Variants in SPIRE1 observed in about 807,000 individuals in gnomAD.
The protein encoded by SPIRE1 is spire type actin nucleation factor 1, also known as protein spire homolog 1.
Under a neutral mutation model 94.1 loss-of-function variants are expected in SPIRE1, and 40 were observed. That is an observed-to-expected ratio of 0.43 (90% confidence interval 0.33 to 0.55). The LOEUF is 0.55. Ranked by LOEUF, SPIRE1 falls within the 20% of genes least tolerant of loss-of-function variation. SPIRE1 has a pLI of 0.06. For missense variants in SPIRE1, 838 were observed against 975.2 expected, an observed-to-expected ratio of 0.86 and a Z score of 1.87; for synonymous variants, 376 against 371.7, an observed-to-expected ratio of 1.01 and a Z score of -0.13.
intron 2 of SPIRE1, among the ~76,000 whole-genome samples, chr18:12,593,747 C>T (rs1466993432): frequency 6.6e-6 from 1 of 151,980 alleles, no homozygotes; most frequent in African/African-American, 2.4e-5. Flanking sequence ...GTCAGGAGTT[C>T]AAGACCAGCC....
chr18:12,468,608 G>A (rs2032219031), intron 10 of SPIRE1, among the ~76,000 whole-genome samples: 1 of 152,166 alleles, frequency 6.6e-6, no homozygotes, highest in South Asian at 2.1e-4. Context: ...TTAATCGAGA[G>A]GCTTCACTAT....
At chr18:12,590,582 G>A (rs910751481) in intron 2 of SPIRE1, among the ~76,000 whole-genome samples, 2 of 152,050 alleles carry the variant, frequency 1.3e-5, no homozygotes, top group African/African-American at 4.8e-5. Context: ...ATTGAAAACA[G>A]AGTATAAAAG....
chr18:12,546,968 G>T, intron 2 of SPIRE1, 64 bp from the exon 3 acceptor site: 1 of 1,092,852 alleles, frequency 9.2e-7, no homozygotes, highest in Non-Finnish European at 1.3e-6. Flanking sequence ...CTAATTGTGA[G>T]GCATAAGATG....
At chr18:12,634,958 T>A (rs1221070501) in intron 2 of SPIRE1, 104 bp downstream of exon 2, 10 of 612,722 alleles carry the variant, frequency 1.6e-5, no homozygotes, top group Non-Finnish European at 2.8e-5. Flanking sequence ...AAAGAAATCT[T>A]ATCAGAAGAC....
intron 12 of SPIRE1, among the ~76,000 whole-genome samples, chr18:12,456,507 AAAT>A (rs1164395438): frequency 6.6e-6 from 1 of 152,188 alleles, no homozygotes; most frequent in Non-Finnish European, 1.5e-5. Flanking sequence ...TGCTGCAACA[AAAT>A]AATGTGGGAA....
intron 4 of SPIRE1, among the ~76,000 whole-genome samples, chr18:12,513,996 C>T (rs2034118870): frequency 6.6e-6 from 1 of 151,994 alleles, no homozygotes; most frequent in Non-Finnish European, 1.5e-5. Context: ...GGTGTGCACC[C>T]CTATGCCTGG....
At chr18:12,630,162 T>C (rs1001421529) in intron 2 of SPIRE1, among the ~76,000 whole-genome samples, 75 of 152,294 alleles carry the variant, frequency 4.9e-4, no homozygotes, top group African/African-American at 1.7e-3. Context: ...AGTTGAACAA[T>C]TGATGTTCTC....
rs536068711 is a variant in SPIRE1, at chr18:12,590,156, C to CG, written c.373-43253dup. 1.1e-3 allele frequency among the ~76,000 whole-genome samples: 167 copies of CG among 151,566 alleles called. 1 individual carries two copies. The highest frequency in any genetic ancestry group is 6.8e-3 in the East Asian group (35 of 5,146). On this transcript the variant is annotated intron_variant, in intron 2 of 16. Coordinates refer to ENST00000409402, the MANE Select transcript of SPIRE1 (RefSeq NM_001128626.2). ...CAGCTGGAGTGCAATGGTGTAGTCC[C>CG]GGCTCATTGCACCCTATGCCTCCCA...
At chr18:12,588,922 C>G (rs1295760522) in intron 2 of SPIRE1, among the ~76,000 whole-genome samples, 2 of 152,114 alleles carry the variant, frequency 1.3e-5, no homozygotes, top group Non-Finnish European at 2.9e-5. Context: ...ATCTTTGCCA[C>G]TTGGATTCCG....
chr18:12,652,504 A>G (rs2038408069), intron 1 of SPIRE1, among the ~76,000 whole-genome samples: 1 of 152,210 alleles, frequency 6.6e-6, no homozygotes, highest in African/African-American at 2.4e-5. Flanking sequence ...CTTCTTAACC[A>G]TACTGCTCAT....
intron 16 of SPIRE1, among the ~76,000 whole-genome samples, chr18:12,451,223 A>G (rs1162674616): frequency 6.6e-6 from 1 of 152,188 alleles, no homozygotes; most frequent in Non-Finnish European, 1.5e-5. Context: ...TCTTAATCCC[A>G]TGACACATCC....
chr18:12,636,206 T>A (rs930736137), intron 1 of SPIRE1: 4 of 152,208 alleles, frequency 2.6e-5, no homozygotes, highest in Non-Finnish European at 4.4e-5. Flanking sequence ...ACTAGAAAAT[T>A]TAATTTCCCC....
chr18:12,561,526 G>A lies in SPIRE1; in HGVS notation c.373-14622C>T, dbSNP rs1308404772. On this transcript the variant is annotated intron_variant, in intron 2 of 16. Coordinates refer to ENST00000409402, the MANE Select transcript of SPIRE1 (RefSeq NM_001128626.2). ...GGTGATCCGCCCGCCTTGGCCTCCCGAAGTGCTGGGATTACAGGCTTGAGC... is the reference window on the plus strand; with the variant it reads ...GGTGATCCGCCCGCCTTGGCCTCCCAAAGTGCTGGGATTACAGGCTTGAGC... 3.3e-5 allele frequency among the ~76,000 whole-genome samples: 5 copies of A among 151,986 alleles called. No individual in the cohort carries two copies. In the East Asian group the frequency reaches 5.8e-4, roughly 18 times the overall value.
intron 2 of SPIRE1, among the ~76,000 whole-genome samples, chr18:12,607,639 ACAG>A (rs2037021697): frequency 7.3e-6 from 1 of 136,812 alleles, no homozygotes; most frequent in African/African-American, 2.8e-5. Context: ...ACACACACAC[ACAG>A]TCTCTTGTTT....
chr18:12,616,913 G>A (rs1390684043), intron 2 of SPIRE1, among the ~76,000 whole-genome samples: 1 of 152,108 alleles, frequency 6.6e-6, no homozygotes, highest in Admixed American at 6.6e-5. Context: ...AGGCTGGAGT[G>A]CAGTGGTGCA....
chr18:12,484,854 T>C (rs2032975639), intron 9 of SPIRE1, among the ~76,000 whole-genome samples: 1 of 152,124 alleles, frequency 6.6e-6, no homozygotes, highest in Non-Finnish European at 1.5e-5. Context: ...GCCCAGGAGT[T>C]TGAGAGCAGC....
intron 2 of SPIRE1, among the ~76,000 whole-genome samples, chr18:12,562,773 G>A (rs112075362): frequency 3.3e-5 from 5 of 151,594 alleles, no homozygotes; most frequent in African/African-American, 1.2e-4. Flanking sequence ...GCCTCCCAAC[G>A]TGCTGGGATT....
chr18:12,499,927 A>G (rs2033597931), intron 6 of SPIRE1, among the ~76,000 whole-genome samples: 1 of 152,214 alleles, frequency 6.6e-6, no homozygotes, highest in South Asian at 2.1e-4. Flanking sequence ...CCAATTAAAA[A>G]ATGAGTACAA....
intron 16 of SPIRE1, 114 bp from the exon 17 acceptor site, chr18:12,450,010 G>A: frequency 3.7e-6 from 4 of 1,090,740 alleles, no homozygotes; most frequent in Non-Finnish European, 5.2e-6. Context: ...TGGAATGGAT[G>A]AGTGATTTAA....
Sources: gnomAD v4.1 joint callset for allele counts (sites outside exome capture counted in the v4.1 genomes callset) on GRCh38, gnomAD v4.1.1 for gene constraint, MANE v1.5 for transcripts, NCBI Gene and HGNC (gene_info 2026-07-23, HGNC 2026-07-21) for gene names.